PDK1: variants seen among roughly 807,000 people sequenced by gnomAD.
PDK1 encodes [Pyruvate dehydrogenase (acetyl-transferring)] kinase isozyme 1, mitochondrial.
A neutral mutation model predicts 54.2 loss-of-function variants in PDK1; 39 were observed. That is an observed-to-expected ratio of 0.72 (90% CI 0.56 to 0.94). The LOEUF (loss-of-function observed/expected upper bound fraction) is 0.94, where lower values mean the gene tolerates loss of function less well. Ranked by LOEUF, PDK1 falls within the 40% of genes least tolerant of loss-of-function variation. The pLI is 0.00. For missense variants in PDK1, 552 were observed against 566.0 expected, an observed-to-expected ratio of 0.98 and a Z score of 0.25; for synonymous variants, 221 against 207.1, an observed-to-expected ratio of 1.07 and a Z score of -0.58.
the PDK1 span, among the ~76,000 whole-genome samples, chr2:172,646,481 A>G: frequency 2.0e-5 from 3 of 146,774 alleles, no homozygotes; most frequent in Non-Finnish European, 4.5e-5. Context: ...AATTATGGGA[A>G]TCTTTAGATA....
intron 1 of PDK1, chr2:172,556,565 A>T (rs1036375026): frequency 1.5e-5 from 6 of 409,206 alleles, no homozygotes; most frequent in Non-Finnish European, 2.1e-5. Context: ...CTTTGACCGT[A>T]TTGTTGAAAA....
At chr2:172,713,087 C>T in the PDK1 span, among the ~76,000 whole-genome samples, 1 of 152,180 alleles carries the variant, frequency 6.6e-6, no homozygotes, top group East Asian at 1.9e-4. Flanking sequence ...GGAGAGGAGA[C>T]CTGGAGTACC....
rs551980925 is a variant in PDK1, at chr2:172,565,097, CA to C, written c.691+31del. On this transcript the variant is annotated intron_variant, in intron 5 of 10. Transcript: ENST00000282077. ...AGGTAAATACTGACATTTCTCCTTG[CA>C]AAAAAAGATACAAAAATCAAAATTA... The C allele has an allele frequency of 4.7e-5, 62 of 1,322,904 alleles. No individual in the cohort carries two copies. In the East Asian group the frequency reaches 1.2e-3, roughly 25 times the overall value. 81.9% of individuals were successfully genotyped at this position (1,322,904 alleles called of 1,614,324 possible).
At chr2:172,650,665 A>AT in the PDK1 span, among the ~76,000 whole-genome samples, 1 of 152,152 alleles carries the variant, frequency 6.6e-6, no homozygotes, top group African/African-American at 2.4e-5. Flanking sequence ...ACAAAAAAAA[A>AT]GCAGGGGTTG....
the PDK1 span, among the ~76,000 whole-genome samples, chr2:172,684,432 A>T: frequency 2.0e-5 from 3 of 152,184 alleles, no homozygotes; most frequent in African/African-American, 7.2e-5. Flanking sequence ...AAAATAAAAT[A>T]AAATAAAGTA....
chr2:172,638,507 A>G, the PDK1 span, among the ~76,000 whole-genome samples: 1 of 152,230 alleles, frequency 6.6e-6, no homozygotes, highest in Non-Finnish European at 1.5e-5. Context: ...GGTAAAATCT[A>G]TATAATGGTC....
the PDK1 span, among the ~76,000 whole-genome samples, chr2:172,656,780 T>A: frequency 6.6e-6 from 1 of 151,972 alleles, no homozygotes; most frequent in Non-Finnish European, 1.5e-5. Flanking sequence ...TCTCATAACC[T>A]GGCCTCAAAA....
At chr2:172,568,327 CAAAAAAAAAAAA>C (rs11400625) in intron 6 of PDK1, among the ~76,000 whole-genome samples, 2 of 57,110 alleles carry the variant, frequency 3.5e-5, no homozygotes, top group African/African-American at 1.3e-4. Context: ...GACTCCGTCT[CAAAAAAAAAAAA>C]AAAAAAAAAA....
At chr2:172,646,734 C>CATTTTTTTTTTT in the PDK1 span, among the ~76,000 whole-genome samples, 1 of 25,298 alleles carries the variant, frequency 4.0e-5, no homozygotes, top group Non-Finnish European at 1.1e-4. Flanking sequence ...CCTTGCATTT[C>CATTTTTTTTTTT]CTTTTTTTTT....
At chr2:172,612,839 T>C (rs1691505501), downstream of PDK1, among the ~76,000 whole-genome samples, 1 of 152,152 alleles carries the variant, frequency 6.6e-6, no homozygotes, top group Admixed American at 6.5e-5. Context: ...TTTGTATTTT[T>C]AGTGGAGACG....
downstream of PDK1, among the ~76,000 whole-genome samples, chr2:172,613,034 G>A (rs1257424398): frequency 2.0e-5 from 3 of 152,222 alleles, no homozygotes; most frequent in Admixed American, 6.5e-5. Context: ...CAGATGCTGA[G>A]ACAGGAATGT....
chr2:172,622,750 T>C, the PDK1 span, among the ~76,000 whole-genome samples: 5 of 146,486 alleles, frequency 3.4e-5, no homozygotes, highest in Non-Finnish European at 6.1e-5. Context: ...GTGAGATATG[T>C]TTATATCTCA....
intron 8 of PDK1, among the ~76,000 whole-genome samples, chr2:172,573,601 T>C (rs1287194907): frequency 6.6e-6 from 1 of 151,500 alleles, no homozygotes; most frequent in East Asian, 1.9e-4. Context: ...ATACACCCTA[T>C]ATATATTCTA....
At chr2:172,666,577 T>G in the PDK1 span, among the ~76,000 whole-genome samples, 1 of 152,100 alleles carries the variant, frequency 6.6e-6, no homozygotes, top group Non-Finnish European at 1.5e-5. Flanking sequence ...ATTGGCTATT[T>G]TAAAAAGAGC....
the PDK1 span, chr2:172,677,348 C>T: frequency 1.3e-5 from 2 of 152,226 alleles, no homozygotes; most frequent in South Asian, 2.1e-4. Flanking sequence ...TTTCTTCATA[C>T]ACTTCCTTTA....
the PDK1 span, among the ~76,000 whole-genome samples, chr2:172,705,420 C>T: frequency 1.3e-5 from 2 of 152,194 alleles, no homozygotes; most frequent in East Asian, 1.9e-4. Flanking sequence ...CTGGTGTTTG[C>T]CCAACCCTGG....
intron 3 of PDK1, among the ~76,000 whole-genome samples, chr2:172,562,545 G>C (rs994329111): frequency 6.6e-6 from 1 of 152,216 alleles, no homozygotes; most frequent in Non-Finnish European, 1.5e-5. Flanking sequence ...CAGTTGGACT[G>C]TTCACCTGGA....
At chr2:172,703,766 CTTTT>C in the PDK1 span, among the ~76,000 whole-genome samples, 131 of 89,098 alleles carry the variant, frequency 1.5e-3, 1 homozygote, top group African/African-American at 5.1e-3. Context: ...TTCTTTCTTT[CTTTT>C]TTTTTTTTTT....
At chr2:172,655,382 G>T in the PDK1 span, among the ~76,000 whole-genome samples, 2 of 152,192 alleles carry the variant, frequency 1.3e-5, no homozygotes, top group Non-Finnish European at 2.9e-5. Context: ...TCCAGGTCTT[G>T]CTGATTCACT....
Sources: allele counts gnomAD v4.1 joint callset (sites outside exome capture counted in the v4.1 genomes callset), GRCh38; gene constraint gnomAD v4.1.1; transcripts MANE v1.5; gene names NCBI Gene and HGNC (gene_info 2026-07-23, HGNC 2026-07-21).